The following ZNF552 variants were observed in gnomAD, a reference collection of about 807,000 sequenced individuals.
The protein encoded by ZNF552 is zinc finger protein 552.
ZNF552 carries 2 observed loss-of-function variants against 7.2 expected under a neutral mutation model. That is an observed-to-expected ratio of 0.28 (90% confidence interval 0.11 to 0.88). The LOEUF is 0.88. Ranked by LOEUF, ZNF552 falls within the 40% of genes least tolerant of loss-of-function variation. The pLI is 0.60. For missense variants in ZNF552, 421 were observed against 493.4 expected, an observed-to-expected ratio of 0.85 and a Z score of 1.39; for synonymous variants, 173 against 176.5, an observed-to-expected ratio of 0.98 and a Z score of 0.16.
At position 57,807,584 on chromosome 19, in the gene ZNF552, C is replaced by T. The variant is rs1431872016; in HGVS notation, c.*456G>A. 1.3e-5 allele frequency: 2 copies of T among 155,142 alleles called. No individual in the cohort carries two copies. Among genetic ancestry groups the T allele is most frequent in the Non-Finnish European group, 2.9e-5 (2 of 70,082 alleles). The allele number at this position is 155,142 out of a possible 1,614,324, so 9.6% of individuals were successfully genotyped here. ...AAGAAAAAGAAAATTCAAGACTTAT[C>T]CTACAGCTCAAATATGCATACTTTA... On this transcript the variant is annotated 3_prime_UTR_variant, in exon 3 of 3. Transcript: ENST00000391701.
chr19:57,809,236 T>C (rs1324963953), intron 2 of ZNF552, 133 bp from the exon 3 acceptor site: 19 of 1,559,772 alleles, frequency 1.2e-5, no homozygotes, highest in African/African-American at 2.7e-5. Flanking sequence ...TGGCTTCAGG[T>C]GGAAGATGGT....
Position 57,807,702 on chromosome 19 carries a change from C to T in ZNF552, c.*338G>A. 4.2e-6 allele frequency: 1 copy of T among 237,720 alleles called. No homozygotes were observed. Among genetic ancestry groups the T allele is most frequent in the Non-Finnish European group, 8.2e-6 (1 of 122,348 alleles). The allele number at this position is 237,720 out of a possible 1,614,324, so 14.7% of individuals were successfully genotyped here. ...TGTTGCAATCTCGGCTCACTGCAAC[C>T]TCTGCCTCCCAGGCTCAAGCAAATC... On this transcript the variant is annotated 3_prime_UTR_variant, in exon 3 of 3. Transcript: ENST00000391701.
chr19:57,813,244 G>A (rs1987890772), intron 2 of ZNF552, 50 bp downstream of exon 2: 2 of 1,607,520 alleles, frequency 1.2e-6, no homozygotes, highest in Non-Finnish European at 1.7e-6. Flanking sequence ...AAAAAGAGGG[G>A]GAAAGACAGA....
Position 57,808,381 on chromosome 19 carries a change from G to T in ZNF552, c.883C>A (p.Pro295Thr). 1 of 1,613,498 alleles carries T rather than the reference G, an allele frequency of 6.2e-7. No individual in the cohort carries two copies. Among genetic ancestry groups the T allele is most frequent in the Non-Finnish European group, 8.5e-7 (1 of 1,179,624 alleles). Residue 295 changes from proline to threonine, a missense_variant, in exon 3 of 3, where the codon CCA (proline) becomes ACA (threonine). By Grantham distance (38) the Pro-to-Thr change is conservative. Around this residue, in one of 2 missense-constraint regions of ZNF552, gnomAD observed 299 missense variants for 293.7 expected, o/e 1.02. Transcript: ENST00000391701. ...TTCTGACAAACCTCACACTCATATG[G>T]CTTCTCTCCAGTGTGAATTCTCTGG... Reference protein sequence around the residue: ...VHQRIHTGEKPYECEVCQKFF... With the variant: ...VHQRIHTGEKTYECEVCQKFF...
At position 57,808,736 on chromosome 19, in the gene ZNF552, T is replaced by C. The variant is rs555869681; in HGVS notation, c.528A>G (p.Lys176=). ...GESSVFSESG[K]DFLLRSGLLQ... is the part of the protein sequence containing the mutation. The stretch of plus-strand genomic sequence containing the variant: ...GTAATCCTGACCTGAGCAAAAAGTC[T>C]TTCCCACTCTCACTGAAGACAGATG... Residue 176 remains lysine, a synonymous_variant, in exon 3 of 3, where the codon AAA becomes AAG. Transcript: ENST00000391701. 26 of 1,614,096 alleles carry C rather than the reference T, an allele frequency of 1.6e-5. No individual in the cohort carries two copies. The highest frequency in any genetic ancestry group is 1.1e-4 in the East Asian group (5 of 44,870).
chr19:57,809,579 GATGTGAAGATT>G lies in ZNF552; in HGVS notation c.161-487_161-477del, dbSNP rs143916516. Among the ~76,000 whole-genome samples, 492 of 152,020 alleles carry G rather than the reference GATGTGAAGATT, an allele frequency of 3.2e-3. 3 individuals carry two copies. Among genetic ancestry groups the G allele is most frequent in the African/African-American group, 0.012 (480 of 41,422 alleles). The stretch of plus-strand genomic sequence containing the variant: ...ATAAAATTAAGATGTGAGGTCCAGA[GATGTGAAGATT>G]ATTCAGGGGAATAAATATCAGACTA... On this transcript the variant is annotated intron_variant, in intron 2 of 2. Coordinates refer to ENST00000391701, the MANE Select transcript of ZNF552 (RefSeq NM_024762.3).
In ZNF552 at chr19:57,813,299, G is replaced by A. The variant is rs759496290; in HGVS notation, c.155C>T (p.Ser52Phe). Residue 52 changes from serine to phenylalanine, a missense_variant, in exon 2 of 3, where the codon TCC (serine) becomes TTC (phenylalanine). Coordinates refer to ENST00000391701, the MANE Select transcript of ZNF552 (RefSeq NM_024762.3). The part of the protein sequence containing the change: ...VTLENLALMS[S>F]LGCWCGVEDE... ...GGTGAGTGTGGGCAACTTACCCAGG[G>A]AGGACATAAGTGCCAGGTTCTCCAG... The A allele has an allele frequency of 9.9e-6, 16 of 1,613,952 alleles. No homozygotes were observed. The African/African-American group carries it at 1.9e-4, about 19-fold the overall frequency.
At position 57,810,721 on chromosome 19, in the gene ZNF552, G is replaced by A. The variant is rs1353975826; in HGVS notation, c.161-1618C>T. The stretch of plus-strand genomic sequence containing the variant: ...ACCTGACAGCCCGACGCCAGTAAAG[G>A]GGCTGTGCTGAGGATTAGTAAAAGA... On this transcript the variant is annotated intron_variant, in intron 2 of 2. Transcript: ENST00000391701. Among the ~76,000 whole-genome samples the A allele has an allele frequency of 2.0e-5, 3 of 152,248 alleles. No individual in the cohort carries two copies. In the East Asian group the frequency reaches 5.8e-4, roughly 29 times the overall value.
At position 57,811,214 on chromosome 19, in the gene ZNF552, T is replaced by C. The variant is rs567074207; in HGVS notation, c.160+2080A>G. On this transcript the variant is annotated intron_variant, in intron 2 of 2. Coordinates refer to ENST00000391701, the MANE Select transcript of ZNF552 (RefSeq NM_024762.3). Reference sequence around the variant, plus strand: ...TTGAGACGGAGTCTCGCTCTGTTGCTCAGGCTGGAGTGCGGTGGCACAATC... The same window carrying C: ...TTGAGACGGAGTCTCGCTCTGTTGCCCAGGCTGGAGTGCGGTGGCACAATC... Among the ~76,000 whole-genome samples the C allele has an allele frequency of 9.9e-5, 15 of 152,088 alleles. No individual in the cohort carries two copies. In the South Asian group the frequency reaches 2.1e-3, roughly 21 times the overall value.
chr19:57,814,460 C>G (rs1235704463), intron 1 of ZNF552: 8 of 1,498,056 alleles, frequency 5.3e-6, no homozygotes, highest in Non-Finnish European at 7.2e-6. Flanking sequence ...TCCCTACAGG[C>G]GCCTGTGGAC....
Position 57,813,385 on chromosome 19 carries a change from A to G in ZNF552, c.69T>C (p.Phe23=). ...TAAGGAGATTCCATTCCTCCTGGGT[A>G]AATTTCACAGCCACGTCTTCAAAAG... ...TVTFEDVAVK[F]TQEEWNLLSE... The change falls in exon 2 of 3, where the codon TTT becomes TTC. Residue 23 remains phenylalanine, a synonymous_variant. Coordinates refer to ENST00000391701, the MANE Select transcript of ZNF552 (RefSeq NM_024762.3). 7 of 1,614,100 alleles carry G rather than the reference A, an allele frequency of 4.3e-6. No individual in the cohort carries two copies. The highest frequency in any genetic ancestry group is 5.9e-6 in the Non-Finnish European group (7 of 1,180,010).
chr19:57,813,466 A>C, intron 1 of ZNF552, 46 bp from the exon 2 acceptor site: 1 of 1,592,856 alleles, frequency 6.3e-7, no homozygotes, highest in Admixed American at 1.7e-5. Context: ...CCCTATGCTG[A>C]GGTATCACAA....
rs1987756328 is a variant in ZNF552 at position 57,807,095 on chromosome 19, C to T, written c.*945G>A. On this transcript the variant is annotated 3_prime_UTR_variant, in exon 3 of 3. Coordinates refer to ENST00000391701, the MANE Select transcript of ZNF552 (RefSeq NM_024762.3). ...AGCACCCAGGGATTATAAGAGGAAA[C>T]ACTTTATTACATCAGTCAGAAAATT... is the stretch of plus-strand genomic sequence containing the variant. 1 of 152,162 alleles carries T rather than the reference C, an allele frequency of 6.6e-6. No individual in the cohort carries two copies. The highest frequency in any genetic ancestry group is 2.1e-4 in the South Asian group (1 of 4,822). The allele number at this position is 152,162 out of a possible 1,614,324, so 9.4% of individuals were successfully genotyped here.
At chr19:57,812,129 A>T (rs1020246011) in intron 2 of ZNF552, among the ~76,000 whole-genome samples, 1 of 151,884 alleles carries the variant, frequency 6.6e-6, no homozygotes, top group Non-Finnish European at 1.5e-5. Context: ...TCAGCCCAGG[A>T]GGCAGAGGTT....
At chr19:57,809,280 G>A (rs1987809924) in intron 2 of ZNF552, 177 bp from the exon 3 acceptor site, 1 of 1,446,308 alleles carries the variant, frequency 6.9e-7, no homozygotes, top group African/African-American at 1.4e-5. Flanking sequence ...AATGGTCACA[G>A]AATGTAGGAG....
Position 57,808,519 on chromosome 19 carries a change from A to C in ZNF552, c.745T>G (p.Ser249Ala). Reference sequence around the variant, plus strand: ...TTACTGAAGCTGTCATATTTGCTAGAGGATTTCCCACATTCACACCACACA... The same window carrying C: ...TTACTGAAGCTGTCATATTTGCTAGCGGATTTCCCACATTCACACCACACA... Reference protein sequence around the residue: ...PSVWCECGKSSSKYDSFSNHQ... With the variant: ...PSVWCECGKSASKYDSFSNHQ... Residue 249 changes from serine to alanine, a missense_variant, in exon 3 of 3, where the codon TCT (serine) becomes GCT (alanine). Around this residue, in one of 2 missense-constraint regions of ZNF552, gnomAD observed 299 missense variants for 293.7 expected, o/e 1.02. Coordinates refer to ENST00000391701, the MANE Select transcript of ZNF552 (RefSeq NM_024762.3). The C allele has an allele frequency of 1.2e-6, 2 of 1,613,972 alleles. No individual in the cohort carries two copies. Among genetic ancestry groups the C allele is most frequent in the Non-Finnish European group, 1.7e-6 (2 of 1,179,888 alleles).
Position 57,807,716 on chromosome 19 carries a change from C to A in ZNF552, c.*324G>T. On this transcript the variant is annotated 3_prime_UTR_variant, in exon 3 of 3. Transcript: ENST00000391701. ...CTCACTGCAACCTCTGCCTCCCAGG[C>A]TCAAGCAAATCCTCCCATGTAGCAA... 3.9e-6 allele frequency: 1 copy of A among 255,536 alleles called. No individual in the cohort carries two copies. The highest frequency in any genetic ancestry group is 7.4e-6 in the Non-Finnish European group (1 of 135,196). 15.8% of individuals were successfully genotyped at this position (255,536 alleles called of 1,614,324 possible). A position where few individuals can be genotyped will look rare whatever the true frequency, so the allele number is the denominator to read the frequency against.
In ZNF552 at chr19:57,808,119, C is replaced by T. The variant is rs1356390221; in HGVS notation, c.1145G>A (p.Cys382Tyr). The change falls in exon 3 of 3, where the codon TGC (cysteine) becomes TAC (tyrosine). Residue 382 changes from cysteine to tyrosine, a missense_variant. Cys to Tyr is a radical substitution (Grantham distance 194). Around this residue, in one of 2 missense-constraint regions of ZNF552, gnomAD observed 299 missense variants for 293.7 expected, o/e 1.02. Coordinates refer to ENST00000391701, the MANE Select transcript of ZNF552 (RefSeq NM_024762.3). ...CCTAAATTTTTTTTCACATTCACTG[C>T]ACCCGTAAGGCTTTTCTCCAGTGTG... Reference protein sequence around the residue: ...RVHTGEKPYGCSECEKKFRQI... With the variant: ...RVHTGEKPYGYSECEKKFRQI... 6.2e-7 allele frequency: 1 copy of T among 1,613,956 alleles called. No individual in the cohort carries two copies.
intron 1 of ZNF552, among the ~76,000 whole-genome samples, chr19:57,813,987 G>C (rs1385899263): frequency 6.6e-6 from 1 of 151,990 alleles, no homozygotes; most frequent in African/African-American, 2.4e-5. Flanking sequence ...ACCCGCCTAG[G>C]CCTCCCAAAG....
Sources: allele counts gnomAD v4.1 joint callset (sites outside exome capture counted in the v4.1 genomes callset), GRCh38; gene constraint gnomAD v4.1.1; regional missense constraint gnomAD v4.1.1; transcripts MANE v1.5; gene names NCBI Gene and HGNC (gene_info 2026-07-23, HGNC 2026-07-21).